The following PTPRD variants were observed in gnomAD, a reference collection of about 807,000 sequenced individuals.
The protein encoded by PTPRD is receptor-type tyrosine-protein phosphatase delta.
Under a neutral mutation model 214.5 loss-of-function variants are expected in PTPRD, and 34 were observed. The ratio of observed to expected loss-of-function variants is 0.16; its 90% CI spans 0.12 to 0.21. The LOEUF is 0.21. Among genes scored for constraint, PTPRD ranks in the 10% least tolerant of loss-of-function variants. The probability of loss-of-function intolerance (pLI) is 1.00; values close to 1 mark genes in which losing one functional copy is unlikely to be tolerated. For synonymous variants in PTPRD, 1,128 were observed against 845.7 expected (o/e 1.33, Z -5.79); for missense variants, 2,545 against 2,398.7 (o/e 1.06, Z -1.27).
chr9:9,293,408 GTTTCT>G (rs1951878479), intron 9 of PTPRD, among the ~76,000 whole-genome samples: 2 of 124,032 alleles, frequency 1.6e-5, no homozygotes, highest in East Asian at 2.3e-4. Flanking sequence ...TTTGCATTTT[GTTTCT>G]TTTATGTCCT....
At chr9:8,463,755 G>C (rs1465011069) in intron 32 of PTPRD, among the ~76,000 whole-genome samples, 2 of 151,886 alleles carry the variant, frequency 1.3e-5, no homozygotes, top group African/African-American at 2.4e-5. Flanking sequence ...CAAAGGATTA[G>C]GGGATAGCTT....
intron 9 of PTPRD, among the ~76,000 whole-genome samples, chr9:9,198,199 T>C (rs1024649800): frequency 2.6e-5 from 4 of 152,212 alleles, no homozygotes; most frequent in South Asian, 2.1e-4. Flanking sequence ...ACTGTGGCTT[T>C]GCATTTCTTT....
At chr9:8,918,089 A>T (rs1275402758) in intron 11 of PTPRD, among the ~76,000 whole-genome samples, 2 of 152,158 alleles carry the variant, frequency 1.3e-5, no homozygotes, top group Admixed American at 1.3e-4. Flanking sequence ...CTCTACCCAA[A>T]GTCAGTTGCT....
At chr9:8,324,050 C>T (rs922518586) in intron 44 of PTPRD, among the ~76,000 whole-genome samples, 6 of 152,020 alleles carry the variant, frequency 3.9e-5, no homozygotes, top group African/African-American at 1.4e-4. Flanking sequence ...AGGCAAGACC[C>T]TCAACCAGCA....
intron 5 of PTPRD, among the ~76,000 whole-genome samples, chr9:9,791,999 G>T (rs546710369): frequency 6.6e-6 from 1 of 152,032 alleles, no homozygotes; most frequent in African/African-American, 2.4e-5. Context: ...TTGTCCTGAA[G>T]TCCTAAAGCA....
chr9:8,597,362 A>G (rs1476115579), intron 14 of PTPRD, among the ~76,000 whole-genome samples: 3 of 152,114 alleles, frequency 2.0e-5, no homozygotes, highest in Admixed American at 6.6e-5. Context: ...CCCCTTACCA[A>G]TTATGTTTCA....
chr9:10,516,870 G>A (rs1054862312), intron 2 of PTPRD, among the ~76,000 whole-genome samples: 3 of 151,828 alleles, frequency 2.0e-5, no homozygotes, highest in African/African-American at 4.8e-5. Context: ...CTTGTGAAAG[G>A]TCAGTTGACC....
intron 9 of PTPRD, among the ~76,000 whole-genome samples, chr9:9,221,340 A>G (rs373064618): frequency 2.0e-4 from 31 of 152,250 alleles, no homozygotes; most frequent in East Asian, 1.6e-3. Context: ...AATTTGGTTA[A>G]CTTTACTTCC....
At chr9:10,009,446 A>G (rs2096553342) in intron 4 of PTPRD, among the ~76,000 whole-genome samples, 1 of 151,932 alleles carries the variant, frequency 6.6e-6, no homozygotes, top group Admixed American at 6.6e-5. Flanking sequence ...TCATAGGTGG[A>G]TTCACAGATT....
chr9:8,871,130 T>C (rs952907376), intron 11 of PTPRD, among the ~76,000 whole-genome samples: 3 of 152,180 alleles, frequency 2.0e-5, no homozygotes, highest in Non-Finnish European at 4.4e-5. Context: ...TTCAATTTCA[T>C]TTGTACAAAT....
intron 2 of PTPRD, among the ~76,000 whole-genome samples, chr9:10,425,873 T>C (rs113647722): frequency 0.015 from 2,237 of 152,078 alleles, 60 homozygotes; most frequent in African/African-American, 0.051. Flanking sequence ...ATAAGTCATA[T>C]ACAATTTTTA....
intron 14 of PTPRD, among the ~76,000 whole-genome samples, chr9:8,557,435 C>T (rs60644171): frequency 0.11 from 14,760 of 132,488 alleles, 3,659 homozygotes; most frequent in African/African-American, 0.45. Context: ...TTTGTAAATA[C>T]ATATATATAT....
chr9:10,369,057 C>G (rs1340729321), intron 2 of PTPRD, among the ~76,000 whole-genome samples: 1 of 151,848 alleles, frequency 6.6e-6, no homozygotes, highest in Non-Finnish European at 1.5e-5. Flanking sequence ...TGCCAAGTGT[C>G]TCAACTTAGG....
intron 4 of PTPRD, among the ~76,000 whole-genome samples, chr9:9,943,454 T>C (rs1359891013): frequency 2.0e-5 from 3 of 152,170 alleles, no homozygotes; most frequent in African/African-American, 4.8e-5. Flanking sequence ...TGAAATACTA[T>C]GTGTAGTGTT....
At chr9:8,491,603 C>G (rs773345454) in intron 27 of PTPRD, among the ~76,000 whole-genome samples, 3 of 150,508 alleles carry the variant, frequency 2.0e-5, no homozygotes, top group Admixed American at 2.0e-4. Flanking sequence ...TCATGCCCCT[C>G]ACTGAATACA....
intron 9 of PTPRD, among the ~76,000 whole-genome samples, chr9:9,323,926 G>A (rs189298624): frequency 6.6e-6 from 1 of 152,308 alleles, no homozygotes; most frequent in East Asian, 1.9e-4. Flanking sequence ...AGCTATGAAT[G>A]AGAACATGGA....
intron 7 of PTPRD, among the ~76,000 whole-genome samples, chr9:9,729,635 T>A (rs930470874): frequency 2.0e-5 from 3 of 152,102 alleles, no homozygotes; most frequent in African/African-American, 7.2e-5. Context: ...ATAACTTTTT[T>A]AAAAATGATA....
chr9:9,991,375 T>C (rs1337398716), intron 4 of PTPRD, among the ~76,000 whole-genome samples: 4 of 152,126 alleles, frequency 2.6e-5, no homozygotes, highest in Admixed American at 2.6e-4. Context: ...TTTTTTCTTT[T>C]TTTGAAATGG....
chr9:8,899,855 T>C (rs373986444), intron 11 of PTPRD, among the ~76,000 whole-genome samples: 2 of 152,220 alleles, frequency 1.3e-5, no homozygotes, highest in East Asian at 3.9e-4. Flanking sequence ...TTCATCCGGT[T>C]AAAATCTAGA....
Sources: gnomAD v4.1 joint callset for allele counts (sites outside exome capture counted in the v4.1 genomes callset) on GRCh38, gnomAD v4.1.1 for gene constraint, MANE v1.5 for transcripts, NCBI Gene and HGNC (gene_info 2026-07-23, HGNC 2026-07-21) for gene names.